IL1RAPL1: variants seen among roughly 807,000 people sequenced by gnomAD.
IL1RAPL1 encodes the protein interleukin 1 receptor accessory protein like 1.
A neutral mutation model predicts 48.4 loss-of-function variants in IL1RAPL1; 3 were observed. That is an observed-to-expected ratio of 0.06 (90% CI 0.03 to 0.16). The LOEUF (loss-of-function observed/expected upper bound fraction) is 0.16, where lower values mean the gene tolerates loss of function less well. Ranked by LOEUF, IL1RAPL1 falls within the 10% of genes least tolerant of loss-of-function variation. The pLI is 1.00. For missense variants in IL1RAPL1, 349 were observed against 530.6 expected (o/e 0.66, Z 3.36); for synonymous variants, 185 against 187.7 (o/e 0.99, Z 0.12).
intron 9 of IL1RAPL1, among the ~76,000 whole-genome samples, chrX:29,942,323 C>T (rs1287582462): frequency 8.9e-6 from 1 of 111,899 alleles, no homozygotes; most frequent in Non-Finnish European, 1.9e-5. Context: ...TGTGGACCAA[C>T]AGAAAAATGC....
chrX:28,927,287 G>C (rs895141004), intron 2 of IL1RAPL1, among the ~76,000 whole-genome samples: 1 of 111,348 alleles, frequency 9.0e-6, no homozygotes, highest in Non-Finnish European at 1.9e-5. Flanking sequence ...CTTGGACTCT[G>C]GATTTCATTT....
At chrX:29,733,777 A>G (rs567300943) in intron 6 of IL1RAPL1, among the ~76,000 whole-genome samples, 11 of 112,479 alleles carry the variant, frequency 9.8e-5, no homozygotes, top group African/African-American at 3.5e-4. Context: ...AATACCATAT[A>G]CCAAATAAGA....
chrX:29,644,901 A>G (rs1925275914), intron 5 of IL1RAPL1, among the ~76,000 whole-genome samples: 1 of 112,885 alleles, frequency 8.9e-6, no homozygotes, highest in Non-Finnish European at 1.9e-5. Context: ...GGTCATGCCT[A>G]TTCAATCAGA....
chrX:29,803,365 A>C lies in IL1RAPL1; in HGVS notation c.779-114099A>C, dbSNP rs751511426. Reference sequence around the variant, plus strand: ...TGTATATATGTATACATGTATACACATATGTATATATGTATACATGTATAC... The same window carrying C: ...TGTATATATGTATACATGTATACACCTATGTATATATGTATACATGTATAC... On this transcript the variant is annotated intron_variant, in intron 6 of 10. Transcript: ENST00000378993. Among the ~76,000 whole-genome samples, 5 of 82,715 alleles carry C rather than the reference A, an allele frequency of 6.0e-5. 1 individual carries two copies. The East Asian group carries it at 2.0e-3, about 33-fold the overall frequency. The allele number at this position is 82,715 out of a possible 115,157, so 71.8% of individuals were successfully genotyped here. A position where few individuals can be genotyped will look rare whatever the true frequency, so the allele number is the denominator to read the frequency against.
Position 29,399,378 on chromosome X carries a change from A to G in IL1RAPL1, c.703+70A>G, listed in dbSNP as rs1352097888. The G allele has an allele frequency of 5.7e-6, 5 of 880,963 alleles. No homozygotes were observed. In the African/African-American group the frequency reaches 6.0e-5, roughly 11 times the overall value. 72.6% of individuals were successfully genotyped at this position (880,963 alleles called of 1,213,427 possible). A position where few individuals can be genotyped will look rare whatever the true frequency, so the allele number is the denominator to read the frequency against. On this transcript the variant is annotated intron_variant, in intron 5 of 10. Coordinates refer to ENST00000378993, the MANE Select transcript of IL1RAPL1 (RefSeq NM_014271.4). ...TATTTTAAGTTAGTTTTTATGCTACACATTGATATTTTTACTCTCTAAAGA... is the reference window on the plus strand; with the variant it reads ...TATTTTAAGTTAGTTTTTATGCTACGCATTGATATTTTTACTCTCTAAAGA...
intron 6 of IL1RAPL1, among the ~76,000 whole-genome samples, chrX:29,754,445 A>G (rs1928563479): frequency 2.7e-5 from 3 of 111,641 alleles, no homozygotes; most frequent in Admixed American, 9.6e-5. Context: ...TGTTCCCATT[A>G]CCTGTCCATT....
chrX:28,780,858 T>C (rs1482141354), intron 1 of IL1RAPL1, among the ~76,000 whole-genome samples: 2 of 110,459 alleles, frequency 1.8e-5, no homozygotes, highest in Non-Finnish European at 3.8e-5. Flanking sequence ...TACAGCATTA[T>C]ATTATGCTTT....
intron 2 of IL1RAPL1, among the ~76,000 whole-genome samples, chrX:29,037,455 C>T (rs1038853057): frequency 9.0e-6 from 1 of 111,285 alleles, no homozygotes; most frequent in Admixed American, 9.6e-5. Context: ...GTGAGTTTCA[C>T]CATACTAAAA....
intron 3 of IL1RAPL1, among the ~76,000 whole-genome samples, chrX:29,374,909 C>G (rs148870331): frequency 0.016 from 1,723 of 110,661 alleles, 37 homozygotes; most frequent in African/African-American, 0.053. Flanking sequence ...TTTTGGAATA[C>G]TTCTAGGAAA....
chrX:28,630,548 G>A (rs529808636), intron 1 of IL1RAPL1, among the ~76,000 whole-genome samples: 7 of 111,893 alleles, frequency 6.3e-5, no homozygotes, highest in African/African-American at 9.7e-5. Flanking sequence ...GGCCACCTTG[G>A]TTGAGCTTCT....
At chrX:29,656,472 G>A (rs908602037) in intron 5 of IL1RAPL1, among the ~76,000 whole-genome samples, 1 of 110,476 alleles carries the variant, frequency 9.1e-6, no homozygotes, top group African/African-American at 3.3e-5. Context: ...TTATGCATTT[G>A]TGTCCTCATA....
chrX:29,657,728 C>T (rs1479157701), intron 5 of IL1RAPL1, among the ~76,000 whole-genome samples: 1 of 110,337 alleles, frequency 9.1e-6, no homozygotes, highest in African/African-American at 3.3e-5. Flanking sequence ...ATGCTATGAT[C>T]ATTTTGCATA....
intron 3 of IL1RAPL1, among the ~76,000 whole-genome samples, chrX:29,301,072 T>C: frequency 8.9e-6 from 1 of 112,074 alleles, no homozygotes; most frequent in East Asian, 2.8e-4. Context: ...CATGAAATTT[T>C]TATATATTAT....
At chrX:29,514,647 C>T (rs750562077) in intron 5 of IL1RAPL1, among the ~76,000 whole-genome samples, 31 of 112,305 alleles carry the variant, frequency 2.8e-4, no homozygotes, top group Non-Finnish European at 3.9e-4. Context: ...CAGGGTTTTG[C>T]CATGTTGGCC....
chrX:29,679,321 A>G (rs965605613), intron 6 of IL1RAPL1, among the ~76,000 whole-genome samples: 3 of 111,648 alleles, frequency 2.7e-5, no homozygotes, highest in Non-Finnish European at 3.8e-5. Context: ...TTTCCGATGA[A>G]CCTGTATTTC....
chrX:29,116,556 G>A (rs1436261037), intron 2 of IL1RAPL1, among the ~76,000 whole-genome samples: 3 of 111,723 alleles, frequency 2.7e-5, no homozygotes, highest in Non-Finnish European at 3.8e-5. Flanking sequence ...ATATTAGCAA[G>A]TAGGAAGTCA....
At chrX:29,294,241 CAG>C (rs1003083205) in intron 3 of IL1RAPL1, among the ~76,000 whole-genome samples, 8 of 110,575 alleles carry the variant, frequency 7.2e-5, no homozygotes, top group East Asian at 2.9e-4. Context: ...TGAATGAAAA[CAG>C]GGGTTGGCAA....
chrX:29,135,358 GA>G (rs1384365141), intron 2 of IL1RAPL1, among the ~76,000 whole-genome samples: 12 of 111,804 alleles, frequency 1.1e-4, no homozygotes, highest in African/African-American at 3.9e-4. Context: ...ATACAGGTTT[GA>G]CTTATTTTGA....
chrX:28,769,758 G>A (rs1371048087), intron 1 of IL1RAPL1, among the ~76,000 whole-genome samples: 1 of 111,591 alleles, frequency 9.0e-6, no homozygotes, highest in Non-Finnish European at 1.9e-5. Context: ...GCATTAGGAA[G>A]ACAGAGTTCC....
Sources: gnomAD v4.1 joint callset for allele counts (sites outside exome capture counted in the v4.1 genomes callset) on GRCh38, gnomAD v4.1.1 for gene constraint, MANE v1.5 for transcripts, NCBI Gene and HGNC (gene_info 2026-07-23, HGNC 2026-07-21) for gene names.